CDH13: variants seen among roughly 807,000 people sequenced by gnomAD.
CDH13 encodes the protein cadherin 13.
Under a neutral mutation model 63.8 loss-of-function variants are expected in CDH13, and 24 were observed. The observed-to-expected ratio is 0.38, with a 90% CI of 0.27 to 0.53. The LOEUF (loss-of-function observed/expected upper bound fraction) is 0.53. Among genes scored for constraint, CDH13 ranks in the 20% least tolerant of loss-of-function variants. CDH13 has a pLI of 0.85. For synonymous variants in CDH13, 503 were observed against 355.3 expected (o/e 1.42, Z -4.67); for missense variants, 1,049 against 903.1 (o/e 1.16, Z -2.07).
chr16:83,435,031 A>C (rs2072252551), intron 6 of CDH13, among the ~76,000 whole-genome samples: 1 of 149,850 alleles, frequency 6.7e-6, no homozygotes, highest in African/African-American at 2.4e-5. Context: ...ATATGAAGGA[A>C]CATAGGGTTT....
chr16:83,667,765 G>A (rs879125138), intron 8 of CDH13, among the ~76,000 whole-genome samples: 33 of 151,910 alleles, frequency 2.2e-4, no homozygotes, highest in Admixed American at 1.0e-3. Context: ...TCAAGAGATC[G>A]TCCCACCTCA....
chr16:83,750,534 C>T (rs533608732), intron 11 of CDH13, among the ~76,000 whole-genome samples: 1 of 152,098 alleles, frequency 6.6e-6, no homozygotes, highest in East Asian at 1.9e-4. Flanking sequence ...AGGCTTGTTG[C>T]GGATGTGGTT....
chr16:83,622,343 A>G (rs562430754), intron 8 of CDH13, among the ~76,000 whole-genome samples: 2 of 152,230 alleles, frequency 1.3e-5, no homozygotes, highest in East Asian at 3.9e-4. Flanking sequence ...CTGAGCTTCT[A>G]CACACTCTTC....
chr16:83,531,908 A>C (rs2075092045), intron 7 of CDH13, among the ~76,000 whole-genome samples: 1 of 152,152 alleles, frequency 6.6e-6, no homozygotes, highest in Non-Finnish European at 1.5e-5. Context: ...AGAAGCTCTG[A>C]TATGGTTTAG....
chr16:82,835,895 C>T (rs747611081), intron 1 of CDH13, among the ~76,000 whole-genome samples: 2 of 152,186 alleles, frequency 1.3e-5, no homozygotes, highest in Non-Finnish European at 2.9e-5. Context: ...CAGGAAGTCT[C>T]TGCTACCAAC....
intron 2 of CDH13, among the ~76,000 whole-genome samples, chr16:82,922,607 A>G (rs2042189572): frequency 6.6e-6 from 1 of 152,182 alleles, no homozygotes; most frequent in Admixed American, 6.5e-5. Flanking sequence ...CAGGATCTTA[A>G]CAAGTTGGTA....
chr16:82,921,703 T>G, intron 2 of CDH13, among the ~76,000 whole-genome samples: 1 of 152,188 alleles, frequency 6.6e-6, no homozygotes, highest in East Asian at 1.9e-4. Flanking sequence ...TGGTCTTTTT[T>G]TCTTTAGATA....
In CDH13 at chr16:82,687,436, T is replaced by A. The variant is rs556398516; in HGVS notation, c.45+60299T>A. Among the ~76,000 whole-genome samples, 10 of 152,136 alleles carry A rather than the reference T, an allele frequency of 6.6e-5. No individual in the cohort carries two copies. The East Asian group carries it at 1.7e-3, about 26-fold the overall frequency. On this transcript the variant is annotated intron_variant, in intron 1 of 13. Coordinates refer to ENST00000567109, the MANE Select transcript of CDH13 (RefSeq NM_001257.5). The stretch of plus-strand genomic sequence containing the variant: ...AGGCAGGGTAGTTAATAAAGGCAAG[T>A]GGTTTAATGGACTTACAGTTCCACA...
chr16:83,144,201 G>C (rs907358872), intron 4 of CDH13, among the ~76,000 whole-genome samples: 16 of 152,252 alleles, frequency 1.1e-4, no homozygotes, highest in Non-Finnish European at 1.5e-4. Flanking sequence ...AAGTGATTCT[G>C]AAGGTTTCTC....
At chr16:82,703,782 C>T (rs948973571) in intron 1 of CDH13, among the ~76,000 whole-genome samples, 15 of 152,236 alleles carry the variant, frequency 9.9e-5, no homozygotes, top group Admixed American at 7.2e-4. Flanking sequence ...CCCCTCTTTG[C>T]CCCCTGAACA....
intron 1 of CDH13, among the ~76,000 whole-genome samples, chr16:82,836,790 C>T (rs976342357): frequency 6.7e-6 from 1 of 148,656 alleles, no homozygotes. Flanking sequence ...GAGGTGAATT[C>T]ATTTCTACCC....
chr16:82,628,371 G>A (rs908444885), intron 1 of CDH13, among the ~76,000 whole-genome samples: 1 of 152,150 alleles, frequency 6.6e-6, no homozygotes, highest in African/African-American at 2.4e-5. Context: ...AGAGTTTGCG[G>A]GTGAAAGGCA....
chr16:83,158,287 C>G (rs904614741), intron 4 of CDH13, among the ~76,000 whole-genome samples: 4 of 152,166 alleles, frequency 2.6e-5, no homozygotes, highest in African/African-American at 9.7e-5. Flanking sequence ...GTTTCCTGCT[C>G]CCTCCCCACC....
At chr16:83,331,559 A>C (rs1354672323) in intron 5 of CDH13, among the ~76,000 whole-genome samples, 1 of 152,176 alleles carries the variant, frequency 6.6e-6, no homozygotes, top group Non-Finnish European at 1.5e-5. Flanking sequence ...TAAAATAAAA[A>C]CCTTATTGAT....
At chr16:83,019,943 A>G (rs981624773) in intron 2 of CDH13, among the ~76,000 whole-genome samples, 1 of 151,854 alleles carries the variant, frequency 6.6e-6, no homozygotes, top group East Asian at 1.9e-4. Flanking sequence ...ACATAATTTT[A>G]TGTGCTTGAC....
chr16:82,986,896 T>G (rs1275751224), intron 2 of CDH13, among the ~76,000 whole-genome samples: 2 of 152,228 alleles, frequency 1.3e-5, no homozygotes, highest in African/African-American at 4.8e-5. Flanking sequence ...TCAAGTTGTG[T>G]AGGACAGACT....
intron 2 of CDH13, among the ~76,000 whole-genome samples, chr16:82,980,818 T>G (rs1597349789): frequency 6.6e-6 from 1 of 152,238 alleles, no homozygotes; most frequent in Admixed American, 6.5e-5. Context: ...AATATCTGTT[T>G]GTTTCATGAC....
At chr16:83,295,179 C>A (rs1422886479) in intron 5 of CDH13, among the ~76,000 whole-genome samples, 1 of 152,022 alleles carries the variant, frequency 6.6e-6, no homozygotes, top group African/African-American at 2.4e-5. Context: ...TATCCATATG[C>A]AGAAGAATGA....
At chr16:83,585,331 C>T (rs1474874351) in intron 7 of CDH13, among the ~76,000 whole-genome samples, 1 of 152,082 alleles carries the variant, frequency 6.6e-6, no homozygotes, top group Non-Finnish European at 1.5e-5. Context: ...AAGGCAAGGG[C>T]AGTGGGGATG....
Sources: gnomAD v4.1 joint callset for allele counts (sites outside exome capture counted in the v4.1 genomes callset) on GRCh38, gnomAD v4.1.1 for gene constraint, MANE v1.5 for transcripts, NCBI Gene and HGNC (gene_info 2026-07-23, HGNC 2026-07-21) for gene names.